The following USP28 variants were observed in gnomAD, a reference collection of about 807,000 sequenced individuals.
The protein encoded by USP28 is ubiquitin carboxyl-terminal hydrolase 28.
A neutral mutation model predicts 145.0 loss-of-function variants in USP28; 113 were observed. The observed-to-expected ratio is 0.78, with a 90% confidence interval of 0.67 to 0.91. The LOEUF is 0.91. USP28 is among the 40% of genes least tolerant of loss of function. The probability of loss-of-function intolerance (pLI) is 0.00; values close to 1 mark genes in which losing one functional copy is unlikely to be tolerated. For synonymous variants in USP28, 447 were observed against 450.9 expected (o/e 0.99, Z 0.11); for missense variants, 1,201 against 1,289.6 (o/e 0.93, Z 1.05).
chr11:113,850,542 A>G (rs1946342590), intron 3 of USP28, among the ~76,000 whole-genome samples: 1 of 152,120 alleles, frequency 6.6e-6, no homozygotes, highest in Non-Finnish European at 1.5e-5. Context: ...CATCATCCAG[A>G]ATAGCTCAAA....
At chr11:113,802,045 G>A (rs1939127491) in intron 23 of USP28, among the ~76,000 whole-genome samples, 1 of 152,184 alleles carries the variant, frequency 6.6e-6, no homozygotes, top group African/African-American at 2.4e-5. Context: ...GATGCCCAGG[G>A]CCCTTCCCAG....
intron 5 of USP28, among the ~76,000 whole-genome samples, chr11:113,836,036 C>T (rs1029026296): frequency 1.4e-4 from 22 of 152,178 alleles, no homozygotes; most frequent in Admixed American, 1.3e-3. Flanking sequence ...CGAGATCGCA[C>T]CATTGCATAC....
chr11:113,813,659 T>C lies in USP28; in HGVS notation c.1743+226A>G. On this transcript the variant is annotated intron_variant, in intron 15 of 24. Transcript: ENST00000003302. ...CTTTCTACAATATGAAAAAATTCCATGTGGCAGAATTCAAACAAGTATGTG... is the reference window on the plus strand; with the variant it reads ...CTTTCTACAATATGAAAAAATTCCACGTGGCAGAATTCAAACAAGTATGTG... The C allele has an allele frequency of 6.1e-6, 3 of 493,112 alleles. 1 individual carries two copies. Among genetic ancestry groups the C allele is most frequent in the Non-Finnish European group, 3.5e-6 (1 of 283,426 alleles). 30.5% of individuals were successfully genotyped at this position (493,112 alleles called of 1,614,324 possible).
intron 11 of USP28, among the ~76,000 whole-genome samples, chr11:113,824,698 A>T (rs1482721866): frequency 6.6e-6 from 1 of 151,366 alleles, no homozygotes; most frequent in Non-Finnish European, 1.5e-5. Context: ...TGGGAGGCCG[A>T]GGCAGGCGGA....
At chr11:113,854,231 C>G in intron 2 of USP28, 27 bp downstream of exon 2, 1 of 1,595,958 alleles carries the variant, frequency 6.3e-7, no homozygotes. Context: ...TTAAAGCCTC[C>G]TGACTAACAG....
In USP28 at chr11:113,837,345, G is replaced by T. The variant is rs556583982; in HGVS notation, c.535-3010C>A. Among the ~76,000 whole-genome samples the T allele has an allele frequency of 5.9e-5, 9 of 152,304 alleles. No individual in the cohort carries two copies. In the South Asian group the frequency reaches 1.9e-3, roughly 32 times the overall value. ...TGCTGAGGGAACTCGCATGCATCCA[G>T]TATGGAGATCTCTCGGCTTCTTGGG... is the stretch of plus-strand genomic sequence containing the variant. On this transcript the variant is annotated intron_variant, in intron 5 of 24. Coordinates refer to ENST00000003302, the Ensembl canonical transcript of USP28.
chr11:113,807,922 A>G, intron 18 of USP28, 29 bp downstream of exon 19: 1 of 1,004,134 alleles, frequency 1.0e-6, no homozygotes, highest in Non-Finnish European at 1.2e-6. Flanking sequence ...CTGACAACAA[A>G]CAACTATATC....
chr11:113,826,293 A>AG (rs1440073910), intron 11 of USP28, among the ~76,000 whole-genome samples: 10 of 148,792 alleles, frequency 6.7e-5, no homozygotes, highest in Non-Finnish European at 1.2e-4. Flanking sequence ...AAAAAAAAAA[A>AG]AAAAGAAAGA....
chr11:113,854,072 G>A (rs548655411), intron 2 of USP28, among the ~76,000 whole-genome samples, 186 bp downstream of exon 2: 17 of 152,120 alleles, frequency 1.1e-4, no homozygotes, highest in African/African-American at 3.1e-4. Context: ...AGGGTTACCC[G>A]AACCACAAAT....
chr11:113,874,371 G>A (rs1949147908), intron 1 of USP28: 1 of 706,482 alleles, frequency 1.4e-6, no homozygotes, highest in Non-Finnish European at 1.9e-6. Flanking sequence ...GATGCAGTGA[G>A]CCGACATCGC....
chr11:113,826,337 A>ATTTTTTT (rs71063527), intron 11 of USP28, among the ~76,000 whole-genome samples: 1 of 50,736 alleles, frequency 2.0e-5, no homozygotes, highest in East Asian at 8.7e-4. Flanking sequence ...CACCACACCC[A>ATTTTTTT]TTTTTTTTTT....
chr11:113,873,548 T>G (rs1033244399), intron 1 of USP28, among the ~76,000 whole-genome samples: 29 of 152,228 alleles, frequency 1.9e-4, no homozygotes, highest in African/African-American at 6.0e-4. Flanking sequence ...AAGATGCCAC[T>G]GATTAATAGG....
At chr11:113,809,131 T>C in exon 17 of USP28, 2 of 1,614,210 alleles carry the variant, frequency 1.2e-6, no homozygotes, top group Non-Finnish European at 1.7e-6. Context: ...TTTGCAAGAC[T>C]GCTCTTCTTC....
At chr11:113,815,382 A>G (rs1453391189) in exon 14 of USP28, 1 of 1,611,748 alleles carries the variant, frequency 6.2e-7, no homozygotes, top group East Asian at 2.2e-5. Context: ...CTGTACTTGT[A>G]CTGAGGAAGA....
In USP28 at chr11:113,831,110, C is replaced by A. The variant is rs113588971; in HGVS notation, c.834-167G>T. 2.7e-3 allele frequency: 1,672 copies of A among 628,828 alleles called. 27 individuals are homozygous for A. The African/African-American group carries it at 0.028, about 11-fold the overall frequency. 39.0% of individuals were successfully genotyped at this position (628,828 alleles called of 1,614,324 possible). ...TAGTTCAGTTCAAATATTTATTGAA[C>A]ACCTTCTTTCGAGCATTGTGCTAAA... On this transcript the variant is annotated intron_variant, in intron 8 of 24. Coordinates refer to ENST00000003302, the Ensembl canonical transcript of USP28.
At chr11:113,841,586 G>A in intron 4 of USP28, 77 bp downstream of exon 4, 1 of 846,658 alleles carries the variant, frequency 1.2e-6, no homozygotes, top group South Asian at 1.9e-5. Flanking sequence ...AATTATTCCT[G>A]AGTGGCATTC....
At chr11:113,835,413 A>T (rs575909668) in intron 5 of USP28, 17 of 452,366 alleles carry the variant, frequency 3.8e-5, no homozygotes, top group Admixed American at 1.2e-4. Context: ...ATATTTCCTA[A>T]TGTCAACCAA....
chr11:113,853,383 G>A (rs1946698900), intron 2 of USP28, among the ~76,000 whole-genome samples: 1 of 148,214 alleles, frequency 6.7e-6, no homozygotes, highest in Non-Finnish European at 1.5e-5. Context: ...AATGTTTTAT[G>A]AGGAAACATT....
intron 3 of USP28, among the ~76,000 whole-genome samples, chr11:113,847,455 G>C (rs372965997): frequency 6.7e-5 from 9 of 134,084 alleles, no homozygotes; most frequent in African/African-American, 5.4e-5. Context: ...GGACGGGGGT[G>C]GGGGGGCGGG....
Sources: allele counts gnomAD v4.1 joint callset (sites outside exome capture counted in the v4.1 genomes callset), GRCh38; gene constraint gnomAD v4.1.1; transcripts MANE v1.5; gene names NCBI Gene and HGNC (gene_info 2026-07-23, HGNC 2026-07-21).